Variants in PPP2R3C observed in about 807,000 individuals in gnomAD.
PPP2R3C encodes the protein protein phosphatase 2 regulatory subunit B''gamma.
In PPP2R3C, 47 loss-of-function variants were observed where a neutral mutation model predicts 63.7. The observed-to-expected ratio is 0.74, with a 90% CI of 0.58 to 0.94. The LOEUF (loss-of-function observed/expected upper bound fraction) is 0.94, where lower values mean the gene tolerates loss of function less well. Ranked by LOEUF, PPP2R3C falls within the 40% of genes least tolerant of loss-of-function variation. PPP2R3C has a pLI of 0.00. For synonymous variants in PPP2R3C, 180 were observed against 177.4 expected, an observed-to-expected ratio of 1.01 and a Z score of -0.12; for missense variants, 421 against 518.4, an observed-to-expected ratio of 0.81 and a Z score of 1.82.
intron 6 of PPP2R3C, among the ~76,000 whole-genome samples, chr14:35,104,198 A>G (rs1245522731): frequency 6.7e-6 from 1 of 149,170 alleles, no homozygotes; most frequent in Admixed American, 6.7e-5. Context: ...AACGAGTACC[A>G]GCAGGTGGCT....
chr14:35,110,420 A>C, intron 3 of PPP2R3C, 105 bp downstream of exon 3: 1 of 705,670 alleles, frequency 1.4e-6, no homozygotes, highest in Non-Finnish European at 2.4e-6. Flanking sequence ...ATGTAGTACC[A>C]CTCTGTAGTA....
intron 4 of PPP2R3C, among the ~76,000 whole-genome samples, chr14:35,108,514 C>T (rs2046434117): frequency 6.6e-6 from 1 of 151,298 alleles, no homozygotes; most frequent in Admixed American, 6.6e-5. Context: ...CCATTTTGGC[C>T]AACATGGTGA....
At position 35,085,484 on chromosome 14, in the gene PPP2R3C, G is replaced by T; in HGVS notation, c.*106C>A. 2.0e-6 allele frequency: 2 copies of T among 1,004,864 alleles called. No individual in the cohort carries two copies. Among genetic ancestry groups the T allele is most frequent in the South Asian group, 2.1e-5 (1 of 47,080 alleles). 62.2% of individuals were successfully genotyped at this position (1,004,864 alleles called of 1,614,324 possible). Reference sequence around the variant, plus strand: ...CCAAAACATTTGCTGTGTTCTCTAGGCATATCAAGTGTTTTATTTAGACCA... The same window carrying T: ...CCAAAACATTTGCTGTGTTCTCTAGTCATATCAAGTGTTTTATTTAGACCA... On this transcript the variant is annotated 3_prime_UTR_variant, in exon 13 of 13. Coordinates refer to ENST00000261475, the MANE Select transcript of PPP2R3C (RefSeq NM_017917.4).
chr14:35,112,825 C>CT (rs1295001151), intron 2 of PPP2R3C: 1 of 152,236 alleles, frequency 6.6e-6, no homozygotes, highest in Non-Finnish European at 1.5e-5. Flanking sequence ...GCTACAGCCT[C>CT]TTATCTTAAC....
chr14:35,101,912 T>C (rs1312651259), intron 6 of PPP2R3C: 1 of 152,136 alleles, frequency 6.6e-6, no homozygotes, highest in Non-Finnish European at 1.5e-5. Flanking sequence ...GCCCTATAGA[T>C]CTTTAAAAAT....
chr14:35,107,260 G>T (rs923058613), intron 6 of PPP2R3C, 44 bp downstream of exon 6: 3 of 1,409,310 alleles, frequency 2.1e-6, no homozygotes, highest in Admixed American at 3.6e-5. Flanking sequence ...TTACATTTTA[G>T]TGTCTATAAG....
intron 10 of PPP2R3C, among the ~76,000 whole-genome samples, chr14:35,093,420 A>C (rs372254062): frequency 6.6e-6 from 1 of 152,134 alleles, no homozygotes; most frequent in South Asian, 2.1e-4. Flanking sequence ...GATTTTCTCT[A>C]TTCATCAGGA....
intron 1 of PPP2R3C, among the ~76,000 whole-genome samples, chr14:35,119,369 T>G (rs571892634): frequency 6.6e-6 from 1 of 151,878 alleles, no homozygotes; most frequent in Admixed American, 6.6e-5. Flanking sequence ...AGGGTCTGGC[T>G]CTTGTCACCC....
At chr14:35,108,821 A>C (rs1377736657) in intron 4 of PPP2R3C, among the ~76,000 whole-genome samples, 2 of 151,908 alleles carry the variant, frequency 1.3e-5, no homozygotes, top group Non-Finnish European at 2.9e-5. Flanking sequence ...TGTTGCCCTG[A>C]CTGATCTCGA....
intron 4 of PPP2R3C, among the ~76,000 whole-genome samples, chr14:35,109,169 G>A (rs1381381564): frequency 6.6e-6 from 1 of 151,530 alleles, no homozygotes; most frequent in African/African-American, 2.4e-5. Context: ...CGATTCTCCT[G>A]CCTCAGCCTC....
intron 2 of PPP2R3C, among the ~76,000 whole-genome samples, chr14:35,114,820 C>T (rs1251323131): frequency 3.9e-5 from 6 of 152,066 alleles, no homozygotes; most frequent in Non-Finnish European, 7.4e-5. Context: ...TGGTGAAACC[C>T]GGTCTCTACT....
At chr14:35,091,806 T>C (rs1308840044) in intron 10 of PPP2R3C, among the ~76,000 whole-genome samples, 1 of 151,472 alleles carries the variant, frequency 6.6e-6, no homozygotes, top group African/African-American at 2.4e-5. Flanking sequence ...CTGAAACCTC[T>C]GCCTCCCAGG....
At chr14:35,092,122 G>A (rs1326498854) in intron 10 of PPP2R3C, among the ~76,000 whole-genome samples, 1 of 152,224 alleles carries the variant, frequency 6.6e-6, no homozygotes, top group Admixed American at 6.5e-5. Context: ...AGGCTGGAGT[G>A]CAGTGGTACG....
intron 12 of PPP2R3C, 113 bp downstream of exon 12, chr14:35,087,838 C>G: frequency 1.2e-6 from 1 of 813,282 alleles, no homozygotes; most frequent in South Asian, 1.6e-5. Context: ...GAACAAAAAG[C>G]AAACACTTGA....
chr14:35,107,758 G>A (rs1293617301), intron 5 of PPP2R3C: 3 of 353,130 alleles, frequency 8.5e-6, no homozygotes, highest in Non-Finnish European at 1.0e-5. Flanking sequence ...GGAATCATAA[G>A]TCCAAGCTGT....
intron 11 of PPP2R3C, among the ~76,000 whole-genome samples, chr14:35,090,557 A>C (rs975687546): frequency 6.6e-6 from 1 of 152,070 alleles, no homozygotes. Flanking sequence ...ATGGTTACTA[A>C]ATATTTAATT....
intron 7 of PPP2R3C, among the ~76,000 whole-genome samples, chr14:35,098,349 T>G (rs922597128): frequency 5.6e-5 from 7 of 123,928 alleles, no homozygotes; most frequent in African/African-American, 1.6e-4. Context: ...CTGGCTAGTT[T>G]TTTTTTTTTT....
chr14:35,119,530 C>T (rs894002639), intron 1 of PPP2R3C, among the ~76,000 whole-genome samples: 4 of 152,006 alleles, frequency 2.6e-5, no homozygotes, highest in African/African-American at 9.7e-5. Context: ...TTTGTAGAAA[C>T]GGTGTTTCAC....
chr14:35,093,261 AT>A (rs893289442), intron 10 of PPP2R3C, among the ~76,000 whole-genome samples: 18 of 149,332 alleles, frequency 1.2e-4, no homozygotes, highest in Non-Finnish European at 1.5e-4. Context: ...GGATACTCAG[AT>A]TTTTTTTTTA....
Sources: allele counts gnomAD v4.1 joint callset (sites outside exome capture counted in the v4.1 genomes callset), GRCh38; gene constraint gnomAD v4.1.1; transcripts MANE v1.5; gene names NCBI Gene and HGNC (gene_info 2026-07-23, HGNC 2026-07-21).